Variants in SHANK2 observed in about 807,000 individuals in gnomAD.
SHANK2 encodes the protein SH3 and multiple ankyrin repeat domains protein 2.
Under a neutral mutation model 133.7 loss-of-function variants are expected in SHANK2, and 43 were observed. That is an observed-to-expected ratio of 0.32 (90% CI 0.25 to 0.41). The LOEUF is 0.41. SHANK2 is among the 10% of genes least tolerant of loss of function. The pLI, the probability that SHANK2 is intolerant of heterozygous loss-of-function variation, is 1.00. For synonymous variants in SHANK2, 1,017 were observed against 952.8 expected (o/e 1.07, Z -1.24); for missense variants, 1,994 against 2,235.8 (o/e 0.89, Z 2.18).
intron 17 of SHANK2, among the ~76,000 whole-genome samples, chr11:70,555,843 C>A (rs374030841): frequency 2.0e-5 from 3 of 152,200 alleles, no homozygotes; most frequent in Non-Finnish European, 4.4e-5. Context: ...AAAATCAAGC[C>A]GGTCACAACA....
At chr11:70,594,271 A>T (rs2060367875) in intron 17 of SHANK2, among the ~76,000 whole-genome samples, 1 of 152,190 alleles carries the variant, frequency 6.6e-6, no homozygotes, top group South Asian at 2.1e-4. Context: ...CTTCATGCCA[A>T]ACACGAAAGA....
At chr11:70,742,031 C>A (rs1555034880) in intron 14 of SHANK2, among the ~76,000 whole-genome samples, 1 of 152,226 alleles carries the variant, frequency 6.6e-6, no homozygotes, top group East Asian at 1.9e-4. Context: ...GAGTCCCCAC[C>A]TCCTCATCTG....
intron 14 of SHANK2, among the ~76,000 whole-genome samples, chr11:70,789,495 C>A (rs1349854143): frequency 6.6e-6 from 1 of 152,160 alleles, no homozygotes; most frequent in East Asian, 1.9e-4. Context: ...TCTACCCAGT[C>A]GAGACCCCTG....
At chr11:70,508,137 G>A (rs1478606792) in intron 17 of SHANK2, among the ~76,000 whole-genome samples, 6 of 152,230 alleles carry the variant, frequency 3.9e-5, no homozygotes, top group African/African-American at 9.6e-5. Context: ...GCCTGTGCCC[G>A]GCTCTGACCT....
chr11:70,598,000 C>T (rs2060423985), intron 17 of SHANK2, among the ~76,000 whole-genome samples: 1 of 152,220 alleles, frequency 6.6e-6, no homozygotes, highest in Non-Finnish European at 1.5e-5. Flanking sequence ...ACAGCAGCTC[C>T]TGGAAGCTGT....
At chr11:70,477,788 T>C (rs1291306805) in intron 25 of SHANK2, among the ~76,000 whole-genome samples, 1 of 152,204 alleles carries the variant, frequency 6.6e-6, no homozygotes, top group African/African-American at 2.4e-5. Flanking sequence ...AGACGCAGGG[T>C]GAAGGCCACC....
intron 2 of SHANK2, among the ~76,000 whole-genome samples, chr11:71,149,001 C>A (rs1380246147): frequency 1.4e-5 from 2 of 147,568 alleles, no homozygotes; most frequent in African/African-American, 2.6e-5. Flanking sequence ...GAGCCATGAA[C>A]TTCCTGAAAG....
intron 14 of SHANK2, among the ~76,000 whole-genome samples, chr11:70,754,509 A>C (rs1946823207): frequency 6.6e-6 from 1 of 152,186 alleles, no homozygotes; most frequent in Non-Finnish European, 1.5e-5. Flanking sequence ...AAAAACAGAT[A>C]ATCATAGCAA....
chr11:71,091,413 C>T (rs1744005277), intron 8 of SHANK2, among the ~76,000 whole-genome samples: 1 of 152,194 alleles, frequency 6.6e-6, no homozygotes, highest in South Asian at 2.1e-4. Flanking sequence ...TGCATAACCT[C>T]CCTTACAGGT....
rs575527088 is a variant in SHANK2 at position 70,485,474 on chromosome 11, C to T, written c.4819G>A (p.Asp1607Asn). 3.0e-5 allele frequency: 48 copies of T among 1,613,916 alleles called. No homozygotes were observed. Among genetic ancestry groups the T allele is most frequent in the South Asian group, 2.4e-4 (22 of 91,072 alleles). The change falls in exon 25 of 26, where the codon GAC becomes AAC. Residue 1607 changes from aspartate (D) to asparagine (N), a missense_variant. Physicochemically the swap from Asp to Asn is conservative, Grantham distance 23 (BLOSUM62 1). This residue lies in a region of SHANK2 where 797 missense variants were observed against 907.4 expected (regional missense o/e 0.88). Coordinates refer to ENST00000601538, the MANE Select transcript of SHANK2 (RefSeq NM_012309.5). This position sits in a 1 kb window ranked among gnomAD's most constrained non-coding sequence, Gnocchi z 5.8. The stretch of plus-strand genomic sequence containing the variant: ...ATCGGGCTTTTGATCTCTGTGACGT[C>T]GCCCCACAACTTGGAGGTCCTTGGC... ...LQPRTSKLWG[D>N]VTEIKSPILS... is the part of the protein sequence containing the mutation.
intron 2 of SHANK2, among the ~76,000 whole-genome samples, chr11:71,167,903 G>T (rs1372487489): frequency 7.0e-6 from 1 of 142,812 alleles, no homozygotes; most frequent in Non-Finnish European, 1.5e-5. Context: ...CCCGGACAGG[G>T]CGGCTGTCCG....
At position 70,586,749 on chromosome 11, in the gene SHANK2, G is replaced by A. The variant is rs143739654; in HGVS notation, c.2061+73079C>T. On this transcript the variant is annotated intron_variant, in intron 17 of 25. Coordinates refer to ENST00000601538, the MANE Select transcript of SHANK2 (RefSeq NM_012309.5). ...GGGAATGGCGAGGGAAGCACGGCTC[G>A]CAGCTGGAGCCGGGAGTGGGCAGGT... is the stretch of plus-strand genomic sequence containing the variant. Among the ~76,000 whole-genome samples, 1,169 of 152,308 alleles carry A rather than the reference G, an allele frequency of 7.7e-3. 28 individuals are homozygous for A. Among genetic ancestry groups the A allele is most frequent in the African/African-American group, 0.027 (1,112 of 41,556 alleles).
chr11:71,117,183 C>A (rs1193503343), intron 4 of SHANK2, among the ~76,000 whole-genome samples: 2 of 152,146 alleles, frequency 1.3e-5, no homozygotes, highest in African/African-American at 2.4e-5. Context: ...CCACACCCAG[C>A]TAATTTTTGT....
At chr11:71,093,475 C>T (rs1259677683) in intron 7 of SHANK2, among the ~76,000 whole-genome samples, 1 of 151,942 alleles carries the variant, frequency 6.6e-6, no homozygotes, top group Non-Finnish European at 1.5e-5. Flanking sequence ...GTCATGGGGG[C>T]GGATTCTCAG....
At chr11:70,477,948 T>C (rs1377297535) in intron 25 of SHANK2, among the ~76,000 whole-genome samples, 1 of 152,208 alleles carries the variant, frequency 6.6e-6, no homozygotes, top group Non-Finnish European at 1.5e-5. Context: ...TCTGCTGCCC[T>C]GATTTAGAAC....
At chr11:70,876,545 T>C (rs1241491964) in intron 11 of SHANK2, among the ~76,000 whole-genome samples, 1 of 145,472 alleles carries the variant, frequency 6.9e-6, no homozygotes, top group Non-Finnish European at 1.5e-5. Flanking sequence ...GGGTGATGAG[T>C]GAGACTCCGC....
chr11:70,508,094 A>T (rs1342533255), intron 17 of SHANK2, among the ~76,000 whole-genome samples: 2 of 152,236 alleles, frequency 1.3e-5, no homozygotes, highest in East Asian at 3.8e-4. Context: ...CAGGACAGGA[A>T]GACCCCTTGG....
At chr11:71,116,905 G>A (rs1951990647) in intron 4 of SHANK2, among the ~76,000 whole-genome samples, 1 of 152,194 alleles carries the variant, frequency 6.6e-6, no homozygotes, top group Non-Finnish European at 1.5e-5. Flanking sequence ...CTTCTGCCAT[G>A]AGAACAAGCT....
intron 17 of SHANK2, among the ~76,000 whole-genome samples, chr11:70,625,810 GAAAAAAAAAAAA>G (rs34147403): frequency 4.8e-5 from 2 of 41,382 alleles, no homozygotes; most frequent in Non-Finnish European, 8.1e-5. Context: ...GTGCAAAAAT[GAAAAAAAAAAAA>G]AAAAAAAAAA....
Sources: allele counts gnomAD v4.1 joint callset (sites outside exome capture counted in the v4.1 genomes callset), GRCh38; gene constraint gnomAD v4.1.1; regional missense constraint gnomAD v4.1.1; non-coding constraint Gnocchi (gnomAD v3.1); transcripts MANE v1.5; gene names NCBI Gene and HGNC (gene_info 2026-07-23, HGNC 2026-07-21).